LUZP2: variants seen among roughly 807,000 people sequenced by gnomAD.
LUZP2 encodes the protein leucine zipper protein 2.
Under a neutral mutation model 51.6 loss-of-function variants are expected in LUZP2, and 52 were observed. That is an observed-to-expected ratio of 1.01 (90% CI 0.81 to 1.27). The LOEUF (loss-of-function observed/expected upper bound fraction) is 1.27, where lower values mean the gene tolerates loss of function less well. Ranked by LOEUF, LUZP2 falls within the 50% of genes most tolerant of loss-of-function variation. The probability of loss-of-function intolerance (pLI) is 0.00; values close to 1 mark genes in which losing one functional copy is unlikely to be tolerated. For synonymous variants in LUZP2, 154 were observed against 137.3 expected (o/e 1.12, Z -0.85); for missense variants, 436 against 395.4 (o/e 1.10, Z -0.87).
At chr11:24,704,444 GAA>G (rs35062774) in intron 1 of LUZP2, among the ~76,000 whole-genome samples, 8 of 140,498 alleles carry the variant, frequency 5.7e-5, no homozygotes, top group African/African-American at 1.8e-4. Flanking sequence ...TACTAAATCA[GAA>G]AAAAAAAAAA....
At chr11:24,845,261 T>C (rs1002343891) in intron 5 of LUZP2, among the ~76,000 whole-genome samples, 2 of 152,182 alleles carry the variant, frequency 1.3e-5, no homozygotes, top group South Asian at 2.1e-4. Context: ...AAGGAGATCA[T>C]TTTGGAGCTT....
chr11:24,632,159 T>C (rs1479176339), intron 1 of LUZP2, among the ~76,000 whole-genome samples: 2 of 152,030 alleles, frequency 1.3e-5, no homozygotes, highest in African/African-American at 2.4e-5. Flanking sequence ...ACCTGAAAGA[T>C]AGGCATTTCA....
Position 24,771,878 on chromosome 11 carries a change from T to C in LUZP2, c.396+8570T>C, listed in dbSNP as rs192291884. 2.0e-5 allele frequency among the ~76,000 whole-genome samples: 3 copies of C among 152,290 alleles called. No homozygotes were observed. The East Asian group carries it at 5.8e-4, about 29-fold the overall frequency. ...CCTGACACCGTGTAAGACATGACTTTGCTCCTCGTTCACCTACCTCCATGA... is the reference window on the plus strand; with the variant it reads ...CCTGACACCGTGTAAGACATGACTTCGCTCCTCGTTCACCTACCTCCATGA... On this transcript the variant is annotated intron_variant, in intron 5 of 11. Transcript: ENST00000336930.
intron 5 of LUZP2, among the ~76,000 whole-genome samples, chr11:24,898,861 A>T (rs1853174949): frequency 6.6e-6 from 1 of 151,950 alleles, no homozygotes; most frequent in Non-Finnish European, 1.5e-5. Context: ...GCAGAATAGT[A>T]CAGTGTTCTA....
chr11:24,904,149 C>T (rs995587325), intron 5 of LUZP2, among the ~76,000 whole-genome samples: 5 of 152,042 alleles, frequency 3.3e-5, no homozygotes, highest in African/African-American at 4.8e-5. Flanking sequence ...TATTTTTTGC[C>T]TTTTGATAAT....
intron 1 of LUZP2, among the ~76,000 whole-genome samples, chr11:24,539,584 G>A (rs991976230): frequency 2.0e-5 from 3 of 151,922 alleles, no homozygotes; most frequent in African/African-American, 4.8e-5. Context: ...ATGCCAGGAA[G>A]TAAATATTCC....
chr11:24,648,180 C>A (rs1322684844), intron 1 of LUZP2, among the ~76,000 whole-genome samples: 2 of 151,922 alleles, frequency 1.3e-5, no homozygotes, highest in Non-Finnish European at 2.9e-5. Flanking sequence ...CTTGCCTTAT[C>A]TTTATAAACT....
intron 1 of LUZP2, among the ~76,000 whole-genome samples, chr11:24,525,890 T>C (rs1850784707): frequency 1.3e-5 from 2 of 151,382 alleles, no homozygotes; most frequent in Admixed American, 6.6e-5. Context: ...AATACAAGCA[T>C]GTAAGGGAGG....
chr11:24,857,563 C>CTTTTTTTTTTTTTTTTTTT (rs200241186), intron 5 of LUZP2, among the ~76,000 whole-genome samples: 1 of 145,796 alleles, frequency 6.9e-6, no homozygotes, highest in Non-Finnish European at 1.5e-5. Flanking sequence ...CAAAATAGGT[C>CTTTTTTTTTTTTTTTTTTT]TTTTTTTTTT....
At chr11:24,530,987 A>T (rs1250073416) in intron 1 of LUZP2, among the ~76,000 whole-genome samples, 4 of 149,036 alleles carry the variant, frequency 2.7e-5, no homozygotes, top group Non-Finnish European at 6.0e-5. Context: ...TCCAAATTTA[A>T]TTTTACCTGA....
chr11:25,070,951 T>G (rs1457905741), intron 10 of LUZP2, among the ~76,000 whole-genome samples: 5 of 151,964 alleles, frequency 3.3e-5, no homozygotes, highest in African/African-American at 9.7e-5. Context: ...GCCGTGACCT[T>G]GAAGTTTTTT....
At chr11:25,041,288 C>T (rs1202689541) in intron 9 of LUZP2, among the ~76,000 whole-genome samples, 1 of 151,942 alleles carries the variant, frequency 6.6e-6, no homozygotes, top group Non-Finnish European at 1.5e-5. Flanking sequence ...ATATTAACAA[C>T]AATAATTAAT....
At chr11:24,728,315 AAC>A (rs57635363) in intron 1 of LUZP2, among the ~76,000 whole-genome samples, 4 of 151,106 alleles carry the variant, frequency 2.6e-5, no homozygotes, top group East Asian at 1.9e-4. Context: ...ATTAAACACA[AAC>A]ACACACACAC....
At chr11:25,037,951 C>T (rs1565264699) in intron 9 of LUZP2, among the ~76,000 whole-genome samples, 1 of 152,000 alleles carries the variant, frequency 6.6e-6, no homozygotes, top group Non-Finnish European at 1.5e-5. Context: ...GGATAGTCCA[C>T]TTGTATGGTC....
chr11:24,960,872 T>A (rs1183433356), intron 7 of LUZP2, among the ~76,000 whole-genome samples: 1 of 152,194 alleles, frequency 6.6e-6, no homozygotes, highest in Non-Finnish European at 1.5e-5. Context: ...CTGCTTTCTC[T>A]TGTGGGCATT....
At chr11:24,616,195 T>C (rs1490235643) in intron 1 of LUZP2, among the ~76,000 whole-genome samples, 8 of 152,050 alleles carry the variant, frequency 5.3e-5, no homozygotes, top group Non-Finnish European at 1.2e-4. Context: ...AGGCAAAATT[T>C]TCAATATTTA....
intron 5 of LUZP2, among the ~76,000 whole-genome samples, chr11:24,775,285 C>G (rs544135510): frequency 6.6e-6 from 1 of 152,228 alleles, no homozygotes; most frequent in African/African-American, 2.4e-5. Flanking sequence ...GAAATTGTTA[C>G]TTGTTTATTA....
At chr11:25,043,986 G>T (rs1858167207) in intron 9 of LUZP2, among the ~76,000 whole-genome samples, 1 of 124,050 alleles carries the variant, frequency 8.1e-6, no homozygotes, top group Non-Finnish European at 1.6e-5. Context: ...GATATATATA[G>T]TCTACATATA....
At chr11:25,067,735 A>ATTAG (rs3992969) in intron 10 of LUZP2, among the ~76,000 whole-genome samples, 139,542 of 151,866 alleles carry the variant, frequency 0.92, 64,813 homozygotes, top group East Asian at 0.99. Context: ...GGGAGTGTAA[A>ATTAG]TTCAATCATT....
Sources: gnomAD v4.1 joint callset for allele counts (sites outside exome capture counted in the v4.1 genomes callset) on GRCh38, gnomAD v4.1.1 for gene constraint, MANE v1.5 for transcripts, NCBI Gene and HGNC (gene_info 2026-07-23, HGNC 2026-07-21) for gene names.